FYN: variants seen among roughly 807,000 people sequenced by gnomAD.
The protein encoded by FYN is tyrosine-protein kinase Fyn.
Under a neutral mutation model 70.2 loss-of-function variants are expected in FYN, and 10 were observed. The observed-to-expected ratio is 0.14, with a 90% CI of 0.09 to 0.24. The LOEUF is 0.24. FYN is among the 10% of genes least tolerant of loss of function. The pLI is 1.00. For missense variants in FYN, 319 were observed against 673.1 expected (o/e 0.47, Z 5.82); for synonymous variants, 236 against 248.6 (o/e 0.95, Z 0.48).
chr6:111,756,425 A>T (rs1802739276), intron 3 of FYN, among the ~76,000 whole-genome samples: 1 of 152,008 alleles, frequency 6.6e-6, no homozygotes, highest in Admixed American at 6.5e-5. Flanking sequence ...GTAAAAAAAA[A>T]ATCTGTGTTT....
intron 12 of FYN, among the ~76,000 whole-genome samples, chr6:111,679,070 GT>G (rs1798673381): frequency 1.3e-5 from 2 of 152,094 alleles, no homozygotes. Context: ...TCCCAGACTT[GT>G]TCTCCTCTGC....
At chr6:111,724,126 C>T (rs1801080816) in intron 3 of FYN, among the ~76,000 whole-genome samples, 1 of 152,144 alleles carries the variant, frequency 6.6e-6, no homozygotes, top group African/African-American at 2.4e-5. Flanking sequence ...TTCCCTAGTC[C>T]TGTGGTTCTT....
At chr6:111,686,786 G>A (rs944804292) in intron 12 of FYN, among the ~76,000 whole-genome samples, 1 of 152,184 alleles carries the variant, frequency 6.6e-6, no homozygotes, top group African/African-American at 2.4e-5. Context: ...ATCTCACGGC[G>A]AGATCAGCCT....
rs141387954 is a variant in FYN at position 111,764,272 on chromosome 6, G to A, written c.-12+16294C>T. ...AGAAAGAAAGAAAAAAGAAAAAAGC[G>A]ATTTGAAATATTTAATAAGAAACCT... On this transcript the variant is annotated intron_variant, in intron 3 of 13. Coordinates refer to ENST00000354650, the MANE Select transcript of FYN (RefSeq NM_002037.5). Among the ~76,000 whole-genome samples the A allele has an allele frequency of 2.4e-3, 307 of 127,746 alleles. 1 individual carries two copies. The highest frequency in any genetic ancestry group is 0.024 in the Middle Eastern group (5 of 212). 83.8% of individuals were successfully genotyped at this position (127,746 alleles called of 152,430 possible). A position where few individuals can be genotyped will look rare whatever the true frequency, so the allele number is the denominator to read the frequency against.
intron 3 of FYN, among the ~76,000 whole-genome samples, chr6:111,735,432 C>T (rs572710379): frequency 3.0e-4 from 45 of 152,306 alleles, no homozygotes; most frequent in African/African-American, 9.9e-4. Flanking sequence ...CATCAACATC[C>T]TGTGCTGGGT....
In FYN at chr6:111,871,479, G is replaced by A. The variant is rs537242651; in HGVS notation, c.-123+1489C>T. On this transcript the variant is annotated intron_variant, in intron 1 of 13. Coordinates refer to ENST00000354650, the MANE Select transcript of FYN (RefSeq NM_002037.5). Reference sequence around the variant, plus strand: ...AGCAGGCAAGAGGCAGTCTGCAGTGGTCTTCCAAATGCTAACTCTAGACCG... The same window carrying A: ...AGCAGGCAAGAGGCAGTCTGCAGTGATCTTCCAAATGCTAACTCTAGACCG... Among the ~76,000 whole-genome samples the A allele has an allele frequency of 2.6e-5, 4 of 152,350 alleles. No homozygotes were observed. In the South Asian group the frequency reaches 6.2e-4, roughly 24 times the overall value.
intron 2 of FYN, among the ~76,000 whole-genome samples, chr6:111,833,446 T>A (rs1773082389): frequency 6.6e-6 from 1 of 152,208 alleles, no homozygotes; most frequent in Non-Finnish European, 1.5e-5. Context: ...AAACGGCACA[T>A]TTACATGCTT....
chr6:111,667,784 T>C (rs2128402195), intron 13 of FYN, among the ~76,000 whole-genome samples: 1 of 152,380 alleles, frequency 6.6e-6, no homozygotes, highest in African/African-American at 2.4e-5. Context: ...AGCTTTCCAT[T>C]TGTGCAGCTT....
At chr6:111,700,334 T>C in intron 8 of FYN, 66 bp from the exon 9 acceptor site, 2 of 1,554,540 alleles carry the variant, frequency 1.3e-6, no homozygotes, top group East Asian at 2.3e-5. Context: ...ACAACACTCA[T>C]AAGTGTAAAC....
At chr6:111,687,032 A>G (rs1406027815) in intron 12 of FYN, among the ~76,000 whole-genome samples, 1 of 152,250 alleles carries the variant, frequency 6.6e-6, no homozygotes, top group African/African-American at 2.4e-5. Context: ...TTTGTGTTAA[A>G]TGGCTACTGT....
intron 1 of FYN, among the ~76,000 whole-genome samples, chr6:111,847,801 A>G (rs1283835159): frequency 6.6e-6 from 1 of 152,262 alleles, no homozygotes; most frequent in Non-Finnish European, 1.5e-5. Context: ...TGAAACTCAT[A>G]TATTGTTCTC....
At chr6:111,830,637 A>C (rs1772987256) in intron 2 of FYN, among the ~76,000 whole-genome samples, 1 of 152,134 alleles carries the variant, frequency 6.6e-6, no homozygotes, top group Admixed American at 6.5e-5. Flanking sequence ...AAGAACACAG[A>C]ATAAAAAGTT....
intron 2 of FYN, among the ~76,000 whole-genome samples, chr6:111,834,272 T>G (rs1773110281): frequency 6.7e-6 from 1 of 148,440 alleles, no homozygotes; most frequent in Non-Finnish European, 1.5e-5. Context: ...GTAAGAGGAT[T>G]GTTTATTTCT....
chr6:111,707,424 T>G (rs114880452), intron 6 of FYN, among the ~76,000 whole-genome samples: 2 of 152,170 alleles, frequency 1.3e-5, no homozygotes, highest in African/African-American at 2.4e-5. Context: ...ATTTCCCAAG[T>G]TGGGGGGACA....
chr6:111,835,252 G>A (rs754702593), intron 2 of FYN, among the ~76,000 whole-genome samples: 22 of 152,074 alleles, frequency 1.4e-4, no homozygotes, highest in Admixed American at 9.2e-4. Flanking sequence ...CTGAATCTAG[G>A]TAATTTGGTT....
intron 1 of FYN, among the ~76,000 whole-genome samples, chr6:111,848,317 G>T (rs1158167477): frequency 6.6e-6 from 1 of 152,190 alleles, no homozygotes; most frequent in Non-Finnish European, 1.5e-5. Flanking sequence ...AAGTAGGGAA[G>T]AAACTTTAAT....
At position 111,731,097 on chromosome 6, in the gene FYN, G is replaced by C. The variant is rs533328307; in HGVS notation, c.-11-11035C>G. 9.5e-3 allele frequency among the ~76,000 whole-genome samples: 1,444 copies of C among 152,260 alleles called. 13 individuals carry two copies. The highest frequency in any genetic ancestry group is 0.013 in the Non-Finnish European group (858 of 68,006). Reference sequence around the variant, plus strand: ...TCATCAATGCCCCCTCCCCAAGTACGAGGACCGCTGAGAATGAAAGCCGAG... The same window carrying C: ...TCATCAATGCCCCCTCCCCAAGTACCAGGACCGCTGAGAATGAAAGCCGAG... On this transcript the variant is annotated intron_variant, in intron 3 of 13. Coordinates refer to ENST00000354650, the MANE Select transcript of FYN (RefSeq NM_002037.5).
At chr6:111,821,693 G>C (rs369902838) in intron 2 of FYN, among the ~76,000 whole-genome samples, 1 of 151,994 alleles carries the variant, frequency 6.6e-6, no homozygotes, top group East Asian at 1.9e-4. Context: ...CAGAGTGAAC[G>C]GGCAACCTAC....
chr6:111,783,528 T>A (rs2128508150), intron 2 of FYN, among the ~76,000 whole-genome samples: 1 of 152,362 alleles, frequency 6.6e-6, no homozygotes, highest in African/African-American at 2.4e-5. Flanking sequence ...TAATCTTTTG[T>A]TTCAAGAGCT....
Sources: allele counts gnomAD v4.1 joint callset (sites outside exome capture counted in the v4.1 genomes callset), GRCh38; gene constraint gnomAD v4.1.1; transcripts MANE v1.5; gene names NCBI Gene and HGNC (gene_info 2026-07-23, HGNC 2026-07-21).